TRAPPC12: variants seen among roughly 807,000 people sequenced by gnomAD.
TRAPPC12 encodes TPR repeat protein 15.
A neutral mutation model predicts 69.2 loss-of-function variants in TRAPPC12; 61 were observed. The ratio of observed to expected loss-of-function variants is 0.88; its 90% confidence interval spans 0.72 to 1.09. TRAPPC12 has a LOEUF of 1.09. Ranked by LOEUF, TRAPPC12 falls within the 50% of genes least tolerant of loss-of-function variation. TRAPPC12 has a pLI of 0.00. For synonymous variants in TRAPPC12, 469 were observed against 438.9 expected (o/e 1.07, Z -0.86); for missense variants, 1,101 against 1,016.4 (o/e 1.08, Z -1.13).
intron 3 of TRAPPC12, among the ~76,000 whole-genome samples, chr2:3,407,978 C>T (rs1235553941): frequency 6.6e-6 from 1 of 152,052 alleles, no homozygotes; most frequent in Non-Finnish European, 1.5e-5. Flanking sequence ...ACAGTCACAT[C>T]CCACCTTGGA....
chr2:3,400,576 T>C (rs1661383210), intron 2 of TRAPPC12, among the ~76,000 whole-genome samples: 1 of 152,154 alleles, frequency 6.6e-6, no homozygotes, highest in Non-Finnish European at 1.5e-5. Context: ...TCCAGGGCTG[T>C]GTCCTGGTCC....
At chr2:3,415,178 C>T (rs115301953) in intron 3 of TRAPPC12, among the ~76,000 whole-genome samples, 2,465 of 152,304 alleles carry the variant, frequency 0.016, 63 homozygotes, top group African/African-American at 0.057. Context: ...GGTGCAAAAG[C>T]GCTCCCCTTT....
intron 8 of TRAPPC12, chr2:3,462,883 G>A (rs562503208): frequency 6.2e-5 from 29 of 470,640 alleles, no homozygotes; most frequent in East Asian, 1.4e-4. Context: ...ATCAGAACCC[G>A]CCGTGGCTCC....
chr2:3,454,847 A>G (rs543433798), intron 6 of TRAPPC12: 1 of 152,288 alleles, frequency 6.6e-6, no homozygotes, highest in South Asian at 2.1e-4. Flanking sequence ...CTCACTACAG[A>G]GGTCTGGGGT....
Position 3,387,767 on chromosome 2 carries a change from C to T in TRAPPC12, c.144C>T (p.Asn48=), listed in dbSNP as rs1238641533. 5.6e-6 allele frequency: 9 copies of T among 1,612,662 alleles called. 1 individual carries two copies. Among genetic ancestry groups the T allele is most frequent in the Non-Finnish European group, 7.6e-6 (9 of 1,179,346 alleles). The change falls in exon 2 of 12, where the codon AAC becomes AAT. Residue 48 remains asparagine, a synonymous_variant. Coordinates refer to ENST00000324266, the MANE Select transcript of TRAPPC12 (RefSeq NM_016030.6). ...LGGDEFGSEE[N]ETASEGSSPL... is the part of the protein sequence containing the mutation. ...GAGATGAGTTTGGATCCGAAGAGAA[C>T]GAGACCGCATCGGAAGGCTCGAGTC...
intron 5 of TRAPPC12, among the ~76,000 whole-genome samples, chr2:3,428,133 A>AT (rs1429725444): frequency 6.6e-6 from 1 of 152,124 alleles, no homozygotes; most frequent in East Asian, 1.9e-4. Context: ...CTTTGAGGAC[A>AT]TTTTTTCCTA....
intron 6 of TRAPPC12, chr2:3,454,989 G>A (rs1280683612): frequency 6.6e-6 from 1 of 152,466 alleles, no homozygotes; most frequent in East Asian, 1.9e-4. Context: ...CACGTGAGGA[G>A]GTCACCCAGG....
In TRAPPC12 at chr2:3,446,626, G is replaced by C. The variant is rs113300908; in HGVS notation, c.1530+2735G>C. ...TCTTGACCTTTCTGCGGCTGGTTCA[G>C]TGTTGAACTGAAGCAGTTTTTATCT... On this transcript the variant is annotated intron_variant, in intron 6 of 11. Transcript: ENST00000324266. Among the ~76,000 whole-genome samples the C allele has an allele frequency of 5.1e-3, 771 of 152,356 alleles. 9 individuals carry two copies. Among genetic ancestry groups the C allele is most frequent in the African/African-American group, 0.018 (754 of 41,580 alleles).
chr2:3,460,403 G>A, intron 8 of TRAPPC12, 67 bp downstream of exon 8: 1 of 816,580 alleles, frequency 1.2e-6, no homozygotes, highest in South Asian at 1.5e-5. Context: ...AGCCGCGAGG[G>A]AGCCGCTGGT....
intron 7 of TRAPPC12, chr2:3,458,416 T>C: frequency 1.0e-6 from 1 of 985,950 alleles, no homozygotes; most frequent in Non-Finnish European, 1.2e-6. Context: ...TCTGTCCTAC[T>C]CGATGTGCAG....
At chr2:3,457,837 T>C in intron 7 of TRAPPC12, 144 bp downstream of exon 7, 1 of 1,453,936 alleles carries the variant, frequency 6.9e-7, no homozygotes, top group Non-Finnish European at 9.0e-7. Context: ...AACTCACTCC[T>C]TTCTTGGGGA....
intron 2 of TRAPPC12, among the ~76,000 whole-genome samples, chr2:3,394,925 C>A (rs1006101039): frequency 2.0e-5 from 3 of 152,142 alleles, no homozygotes; most frequent in Admixed American, 2.0e-4. Context: ...TTCTGTCTCT[C>A]ACACACACAC....
chr2:3,444,257 G>C (rs1664389087), intron 6 of TRAPPC12, among the ~76,000 whole-genome samples: 1 of 152,268 alleles, frequency 6.6e-6, no homozygotes, highest in East Asian at 1.9e-4. Flanking sequence ...CGTGCAGACA[G>C]AGGTACCGGA....
intron 3 of TRAPPC12, among the ~76,000 whole-genome samples, chr2:3,420,732 C>T (rs1662732070): frequency 6.6e-6 from 1 of 152,160 alleles, no homozygotes; most frequent in Non-Finnish European, 1.5e-5. Context: ...GACTCATTGC[C>T]CTCCTAGGCG....
intron 9 of TRAPPC12, among the ~76,000 whole-genome samples, chr2:3,466,014 C>G (rs1665792090): frequency 6.6e-6 from 1 of 152,236 alleles, no homozygotes; most frequent in Non-Finnish European, 1.5e-5. Context: ...AATCTCAGTT[C>G]AGCTTATCCC....
At position 3,438,788 on chromosome 2, in the gene TRAPPC12, A is replaced by T. The variant is rs1056137075; in HGVS notation, c.1418-4991A>T. 7.2e-5 allele frequency among the ~76,000 whole-genome samples: 11 copies of T among 152,152 alleles called. No homozygotes were observed. In the East Asian group the frequency reaches 2.1e-3, roughly 29 times the overall value. ...AGTACGTTTCTTATCTCTGAATAATATTCCATTTTATGTATATACCATAGC... is the reference window on the plus strand; with the variant it reads ...AGTACGTTTCTTATCTCTGAATAATTTTCCATTTTATGTATATACCATAGC... On this transcript the variant is annotated intron_variant, in intron 5 of 11. Coordinates refer to ENST00000324266, the MANE Select transcript of TRAPPC12 (RefSeq NM_016030.6).
At chr2:3,433,740 A>G (rs1372416559) in intron 5 of TRAPPC12, among the ~76,000 whole-genome samples, 1 of 152,216 alleles carries the variant, frequency 6.6e-6, no homozygotes, top group East Asian at 1.9e-4. Flanking sequence ...TTTTCATTTA[A>G]TGTTTTCTAA....
intron 3 of TRAPPC12, among the ~76,000 whole-genome samples, chr2:3,406,097 C>T (rs1661714470): frequency 6.6e-6 from 1 of 152,174 alleles, no homozygotes; most frequent in Non-Finnish European, 1.5e-5. Context: ...CTTCCAGACT[C>T]AGAGAAGCCA....
chr2:3,403,033 CT>C (rs1661535155), intron 3 of TRAPPC12, among the ~76,000 whole-genome samples: 1 of 152,122 alleles, frequency 6.6e-6, no homozygotes, highest in Non-Finnish European at 1.5e-5. Context: ...GAAATGCGCC[CT>C]TATCCTGACT....
Sources: gnomAD v4.1 joint callset for allele counts (sites outside exome capture counted in the v4.1 genomes callset) on GRCh38, gnomAD v4.1.1 for gene constraint, MANE v1.5 for transcripts, NCBI Gene and HGNC (gene_info 2026-07-23, HGNC 2026-07-21) for gene names.